The following COMMD10 variants were observed in gnomAD, a reference collection of about 807,000 sequenced individuals.
The protein encoded by COMMD10 is COMM domain containing 10.
Under a neutral mutation model 28.9 loss-of-function variants are expected in COMMD10, and 33 were observed. That is an observed-to-expected ratio of 1.14 (90% CI 0.87 to 1.53). The LOEUF is 1.53. COMMD10 is among the 40% of genes most tolerant of loss of function. The probability of loss-of-function intolerance (pLI) is 0.00; values close to 1 mark genes in which losing one functional copy is unlikely to be tolerated. For synonymous variants in COMMD10, 110 were observed against 81.7 expected (o/e 1.35, Z -1.87); for missense variants, 310 against 233.4 (o/e 1.33, Z -2.14).
intron 5 of COMMD10, among the ~76,000 whole-genome samples, chr5:116,142,226 A>G (rs947172985): frequency 3.3e-5 from 5 of 151,808 alleles, no homozygotes; most frequent in African/African-American, 1.2e-4. Flanking sequence ...TATCATTTCA[A>G]ACTCATCATT....
intron 5 of COMMD10, among the ~76,000 whole-genome samples, chr5:116,259,819 T>C (rs1000461788): frequency 6.6e-6 from 1 of 151,724 alleles, no homozygotes; most frequent in Non-Finnish European, 1.5e-5. Flanking sequence ...GGACTCTCCA[T>C]AGTCAGAAAT....
At chr5:116,170,519 T>C (rs948645772) in intron 5 of COMMD10, among the ~76,000 whole-genome samples, 1 of 152,016 alleles carries the variant, frequency 6.6e-6, no homozygotes, top group Non-Finnish European at 1.5e-5. Flanking sequence ...AAAGAACCCG[T>C]ATAGCCAAGA....
At chr5:116,274,740 C>G (rs1166454624) in intron 5 of COMMD10, among the ~76,000 whole-genome samples, 13 of 151,722 alleles carry the variant, frequency 8.6e-5, no homozygotes, top group South Asian at 8.3e-4. Context: ...TTTAGTGTCC[C>G]TGACCTACCT....
At position 116,280,119 on chromosome 5, in the gene COMMD10, T is replaced by G. The variant is rs183619705; in HGVS notation, c.511-11398T>G. Among the ~76,000 whole-genome samples the G allele has an allele frequency of 5.7e-4, 86 of 151,982 alleles. 3 individuals are homozygous for G. Among genetic ancestry groups the G allele is most frequent in the African/African-American group, 2.0e-3 (84 of 41,288 alleles). ...TATGGGCGCCATTTTCCTCATCTAT[T>G]AAATAAGAGGATTGGGCAAGGATAC... is the stretch of plus-strand genomic sequence containing the variant. On this transcript the variant is annotated intron_variant, in intron 5 of 6. Coordinates refer to ENST00000274458, the MANE Select transcript of COMMD10 (RefSeq NM_016144.4).
intron 4 of COMMD10, among the ~76,000 whole-genome samples, chr5:116,119,759 A>T (rs556601617): frequency 1.3e-5 from 2 of 151,968 alleles, no homozygotes; most frequent in South Asian, 2.1e-4. Flanking sequence ...CTACAGGTGT[A>T]TGCTGTCATG....
intron 5 of COMMD10, among the ~76,000 whole-genome samples, chr5:116,247,322 T>C (rs1462471757): frequency 1.3e-5 from 2 of 151,950 alleles, no homozygotes; most frequent in Non-Finnish European, 2.9e-5. Flanking sequence ...AAATAACAGA[T>C]GTTGGTGAGG....
chr5:116,215,959 G>C (rs1749090767), intron 5 of COMMD10, among the ~76,000 whole-genome samples: 1 of 151,594 alleles, frequency 6.6e-6, no homozygotes, highest in Non-Finnish European at 1.5e-5. Flanking sequence ...TCTTAATATA[G>C]AGGTCAAAAT....
At chr5:116,235,980 A>T (rs1463459299) in intron 5 of COMMD10, among the ~76,000 whole-genome samples, 1 of 152,058 alleles carries the variant, frequency 6.6e-6, no homozygotes. Context: ...CCCACCTGTT[A>T]TCTTTGGTTA....
chr5:116,089,275 A>G (rs1322236175), intron 2 of COMMD10, among the ~76,000 whole-genome samples: 2 of 152,194 alleles, frequency 1.3e-5, no homozygotes, highest in Admixed American at 6.5e-5. Context: ...TAACCAAGAT[A>G]GAGATAGAGA....
At chr5:116,174,917 C>G (rs1039211864) in intron 5 of COMMD10, among the ~76,000 whole-genome samples, 3 of 152,084 alleles carry the variant, frequency 2.0e-5, no homozygotes, top group Admixed American at 6.6e-5. Context: ...CTCCTTTAAG[C>G]AATTTAAAAC....
chr5:116,276,373 C>T (rs1750913621), intron 5 of COMMD10, among the ~76,000 whole-genome samples: 1 of 151,600 alleles, frequency 6.6e-6, no homozygotes, highest in South Asian at 2.1e-4. Context: ...CTGCCCCAGC[C>T]TCCCAAGTAG....
At chr5:116,249,605 G>C (rs1306915314) in intron 5 of COMMD10, among the ~76,000 whole-genome samples, 1 of 151,862 alleles carries the variant, frequency 6.6e-6, no homozygotes, top group African/African-American at 2.4e-5. Flanking sequence ...CACCTTATGG[G>C]TTACAAACAT....
chr5:116,191,874 C>T (rs745399721), intron 5 of COMMD10, among the ~76,000 whole-genome samples: 12 of 152,038 alleles, frequency 7.9e-5, no homozygotes, highest in Admixed American at 1.3e-4. Context: ...AGCTAAGAAC[C>T]CTCATGGAGT....
chr5:116,133,014 G>A (rs1399989743), intron 4 of COMMD10, among the ~76,000 whole-genome samples: 4 of 151,926 alleles, frequency 2.6e-5, no homozygotes, highest in African/African-American at 9.7e-5. Context: ...TTCCAACTTG[G>A]CTTTGAGTCA....
chr5:116,156,354 A>G (rs1752710440), intron 5 of COMMD10, among the ~76,000 whole-genome samples: 1 of 152,280 alleles, frequency 6.6e-6, no homozygotes, highest in African/African-American at 2.4e-5. Context: ...AATTGGAACA[A>G]TAGTAGGTGC....
At chr5:116,261,504 G>A (rs907201288) in intron 5 of COMMD10, among the ~76,000 whole-genome samples, 5 of 151,716 alleles carry the variant, frequency 3.3e-5, no homozygotes, top group African/African-American at 1.2e-4. Context: ...AAATTGGTCA[G>A]TGCAGCCTGC....
intron 5 of COMMD10, among the ~76,000 whole-genome samples, chr5:116,249,521 G>A (rs1249624643): frequency 6.6e-6 from 1 of 151,884 alleles, no homozygotes; most frequent in Non-Finnish European, 1.5e-5. Context: ...AAAGTATTGA[G>A]AATTTGAAAT....
At chr5:116,245,602 G>A (rs1360600036) in intron 5 of COMMD10, among the ~76,000 whole-genome samples, 2 of 152,018 alleles carry the variant, frequency 1.3e-5, no homozygotes, top group Non-Finnish European at 2.9e-5. Context: ...CAAAATACTG[G>A]CAAAATAAAT....
At chr5:116,151,467 C>T (rs904429506) in intron 5 of COMMD10, among the ~76,000 whole-genome samples, 27 of 152,166 alleles carry the variant, frequency 1.8e-4, no homozygotes, top group South Asian at 8.3e-4. Flanking sequence ...TGGTAGAATT[C>T]GGCTGTGAAT....
Sources: allele counts gnomAD v4.1 joint callset (sites outside exome capture counted in the v4.1 genomes callset), GRCh38; gene constraint gnomAD v4.1.1; transcripts MANE v1.5; gene names NCBI Gene and HGNC (gene_info 2026-07-23, HGNC 2026-07-21).